Variants in ADK observed in about 807,000 individuals in gnomAD.
ADK encodes the protein N6,N6-dimethyladenosine kinase.
Under a neutral mutation model 44.7 loss-of-function variants are expected in ADK, and 24 were observed. The ratio of observed to expected loss-of-function variants is 0.54; its 90% CI spans 0.39 to 0.76. ADK has a LOEUF of 0.76. Among genes scored for constraint, ADK ranks in the 30% least tolerant of loss-of-function variants. ADK has a pLI of 0.00. For missense variants in ADK, 321 were observed against 425.1 expected (o/e 0.76, Z 2.15); for synonymous variants, 128 against 142.6 (o/e 0.90, Z 0.73).
chr10:74,647,165 T>C (rs1854083321), intron 9 of ADK, among the ~76,000 whole-genome samples: 1 of 152,110 alleles, frequency 6.6e-6, no homozygotes, highest in Non-Finnish European at 1.5e-5. Flanking sequence ...TTTATGCCTT[T>C]AATAATTATC....
At chr10:74,153,350 T>C (rs60648533) in intron 1 of ADK, among the ~76,000 whole-genome samples, 6,697 of 152,222 alleles carry the variant, frequency 0.044, 528 homozygotes, top group African/African-American at 0.15. Flanking sequence ...CTGCTAAACA[T>C]GCTACATAGG....
chr10:74,663,027 C>T (rs1016140862), intron 9 of ADK, among the ~76,000 whole-genome samples: 3 of 151,800 alleles, frequency 2.0e-5, no homozygotes, highest in East Asian at 1.9e-4. Context: ...CTTGAGCTCA[C>T]GATTTCAAGG....
chr10:74,276,663 T>C (rs975602839), intron 3 of ADK, among the ~76,000 whole-genome samples: 4 of 152,088 alleles, frequency 2.6e-5, no homozygotes, highest in Non-Finnish European at 5.9e-5. Flanking sequence ...TCCAAGCTCT[T>C]TCTGGTTGTT....
At chr10:74,482,340 G>A (rs138708879) in intron 6 of ADK, among the ~76,000 whole-genome samples, 57 of 152,226 alleles carry the variant, frequency 3.7e-4, no homozygotes, top group African/African-American at 1.3e-3. Flanking sequence ...GAAAACTCAT[G>A]CACTATCACA....
chr10:74,411,306 C>A (rs1844167806), intron 6 of ADK, among the ~76,000 whole-genome samples: 1 of 151,920 alleles, frequency 6.6e-6, no homozygotes, highest in Non-Finnish European at 1.5e-5. Context: ...ACATATGAAT[C>A]TTTTTCATTC....
intron 9 of ADK, among the ~76,000 whole-genome samples, chr10:74,661,682 C>T (rs901029103): frequency 1.3e-5 from 2 of 152,070 alleles, no homozygotes; most frequent in Admixed American, 6.5e-5. Context: ...ACATACACAC[C>T]TTTCTTTTCC....
intron 1 of ADK, among the ~76,000 whole-genome samples, chr10:74,183,106 T>G (rs1842622518): frequency 6.6e-6 from 1 of 152,112 alleles, no homozygotes. Flanking sequence ...GTCCCACCTT[T>G]GTATTTTTTG....
intron 6 of ADK, among the ~76,000 whole-genome samples, chr10:74,436,943 A>G (rs1845196994): frequency 6.6e-6 from 1 of 152,222 alleles, no homozygotes; most frequent in Non-Finnish European, 1.5e-5. Context: ...TTTGTAGATG[A>G]CATTTTGCAT....
In ADK at chr10:74,654,754, G is replaced by C. The variant is rs377566194; in HGVS notation, c.878-15429G>C. On this transcript the variant is annotated intron_variant, in intron 9 of 10. Coordinates refer to ENST00000539909, the MANE Select transcript of ADK (RefSeq NM_006721.4). ...TTGAACCCGGGAGGCAGAGGTTGCA[G>C]TGAGTAAGCCAAGATTGTGCCACTG... 1.7e-4 allele frequency among the ~76,000 whole-genome samples: 26 copies of C among 151,904 alleles called. No individual in the cohort carries two copies. The East Asian group carries it at 2.3e-3, about 14-fold the overall frequency.
intron 8 of ADK, among the ~76,000 whole-genome samples, chr10:74,596,110 G>T (rs1374271610): frequency 2.0e-5 from 3 of 151,878 alleles, no homozygotes; most frequent in African/African-American, 7.3e-5. Context: ...TGTGAATGTG[G>T]TAGGAAAATG....
chr10:74,393,411 A>G (rs1433304404), intron 4 of ADK, among the ~76,000 whole-genome samples: 1 of 152,210 alleles, frequency 6.6e-6, no homozygotes, highest in Admixed American at 6.5e-5. Flanking sequence ...AAAGCTTATA[A>G]TAATTACTTC....
chr10:74,644,374 T>A (rs1018026566), intron 9 of ADK, among the ~76,000 whole-genome samples: 2 of 152,236 alleles, frequency 1.3e-5, no homozygotes, highest in African/African-American at 4.8e-5. Flanking sequence ...GGATACGGTG[T>A]ACAGTGGCCC....
chr10:74,271,677 C>T (rs1377990067), intron 3 of ADK, among the ~76,000 whole-genome samples: 2 of 147,470 alleles, frequency 1.4e-5, no homozygotes, highest in Admixed American at 1.4e-4. Context: ...GTTTTTTGTC[C>T]TTGTGATAGT....
At chr10:74,340,470 A>ATCCC (rs1841547326) in intron 4 of ADK, among the ~76,000 whole-genome samples, 1 of 152,166 alleles carries the variant, frequency 6.6e-6, no homozygotes, top group Non-Finnish European at 1.5e-5. Flanking sequence ...GACAACTCTG[A>ATCCC]ATATTACTAT....
intron 3 of ADK, among the ~76,000 whole-genome samples, chr10:74,280,425 C>T (rs1846891016): frequency 6.6e-6 from 1 of 151,688 alleles, no homozygotes; most frequent in South Asian, 2.1e-4. Context: ...AACACACACA[C>T]ACACACACAC....
intron 6 of ADK, among the ~76,000 whole-genome samples, chr10:74,492,038 G>T (rs895623669): frequency 6.6e-6 from 1 of 152,048 alleles, no homozygotes; most frequent in Admixed American, 6.6e-5. Context: ...CACAGCTATT[G>T]TATGTATGTA....
chr10:74,702,524 T>TTCCTTCCTTCCTTCCTTCCTTCCTTCC (rs1589382755), intron 10 of ADK, among the ~76,000 whole-genome samples: 3 of 120,818 alleles, frequency 2.5e-5, no homozygotes, highest in African/African-American at 6.3e-5. Context: ...TCCTTCCTTC[T>TTCCTTCCTTCCTTCCTTCCTTCCTTCC]TTCCTTCCTT....
intron 3 of ADK, among the ~76,000 whole-genome samples, chr10:74,241,725 C>T (rs1845216896): frequency 6.6e-6 from 1 of 152,128 alleles, no homozygotes; most frequent in South Asian, 2.1e-4. Flanking sequence ...TTGATTGAGA[C>T]AAGGCCTTGC....
rs748227226 is a variant in ADK at position 74,194,065 on chromosome 10, ATTGTTAACAGCACTC to A, written c.66-6695_66-6681del. Among the ~76,000 whole-genome samples, 71 of 152,234 alleles carry A rather than the reference ATTGTTAACAGCACTC, an allele frequency of 4.7e-4. 1 individual carries two copies. Among genetic ancestry groups the A allele is most frequent in the South Asian group, 1.7e-3 (8 of 4,820 alleles). On this transcript the variant is annotated intron_variant, in intron 1 of 10. Coordinates refer to ENST00000539909, the MANE Select transcript of ADK (RefSeq NM_006721.4). The stretch of plus-strand genomic sequence containing the variant: ...TACAGTACCAGGAGCCATTTTCTAC[ATTGTTAACAGCACTC>A]TTGAGTGATGTTGGTGGCAGCTTGT...
Sources: gnomAD v4.1 joint callset for allele counts (sites outside exome capture counted in the v4.1 genomes callset) on GRCh38, gnomAD v4.1.1 for gene constraint, MANE v1.5 for transcripts, NCBI Gene and HGNC (gene_info 2026-07-23, HGNC 2026-07-21) for gene names.